ACBD5: variants seen among roughly 807,000 people sequenced by gnomAD.
ACBD5 encodes acyl-CoA-binding domain-containing protein 5.
ACBD5 carries 40 observed loss-of-function variants against 71.8 expected under a neutral mutation model. The ratio of observed to expected loss-of-function variants is 0.56; its 90% CI spans 0.43 to 0.72. The LOEUF (loss-of-function observed/expected upper bound fraction) is 0.72, where lower values mean the gene tolerates loss of function less well. Ranked by LOEUF, ACBD5 falls within the 30% of genes least tolerant of loss-of-function variation. The pLI, the probability that ACBD5 is intolerant of heterozygous loss-of-function variation, is 0.00. For synonymous variants in ACBD5, 229 were observed against 218.6 expected, an observed-to-expected ratio of 1.05 and a Z score of -0.42; for missense variants, 559 against 644.5, an observed-to-expected ratio of 0.87 and a Z score of 1.44.
chr10:27,219,983 T>TAA, intron 5 of ACBD5, 126 bp from the exon 6 acceptor site: 1 of 667,278 alleles, frequency 1.5e-6, no homozygotes, highest in South Asian at 3.4e-5. Flanking sequence ...GTTATATATA[T>TAA]AATAGTATTA....
In ACBD5 at chr10:27,240,670, T is replaced by C. The variant is rs2065385156; in HGVS notation, c.15+4A>G. ...CGGCCCGCGACGACAGCAAAACAACTCACCGAGAGGAAGAGCATGTCTAGC... is the reference window on the plus strand; with the variant it reads ...CGGCCCGCGACGACAGCAAAACAACCCACCGAGAGGAAGAGCATGTCTAGC... On this transcript the variant is annotated splice_donor_region_variant and intron_variant, in intron 1 of 12. Transcript: ENST00000396271. This position sits in a 1 kb window ranked among gnomAD's most constrained non-coding sequence, Gnocchi z 4.1. The C allele has an allele frequency of 1.3e-6, 2 of 1,548,866 alleles. No individual in the cohort carries two copies. The highest frequency in any genetic ancestry group is 1.4e-5 in the African/African-American group (1 of 72,236).
chr10:27,225,207 A>T (rs1265912117), intron 4 of ACBD5, among the ~76,000 whole-genome samples: 4 of 151,808 alleles, frequency 2.6e-5, no homozygotes, highest in Non-Finnish European at 5.9e-5. Context: ...GCAATTTCAG[A>T]CACCTTCATA....
At chr10:27,234,711 C>T (rs1250485007) in intron 3 of ACBD5, among the ~76,000 whole-genome samples, 1 of 152,202 alleles carries the variant, frequency 6.6e-6, no homozygotes, top group Admixed American at 6.5e-5. Flanking sequence ...GTGGGCGGAC[C>T]ACCTGAACCC....
chr10:27,217,646 C>T (rs1452717797), intron 7 of ACBD5, among the ~76,000 whole-genome samples: 1 of 151,976 alleles, frequency 6.6e-6, no homozygotes, highest in African/African-American at 2.4e-5. Flanking sequence ...AAAACCCTGT[C>T]TCTACAAAAA....
chr10:27,186,550 C>A, intron 13 of ACBD5: 15 of 1,611,690 alleles, frequency 9.3e-6, no homozygotes, highest in Non-Finnish European at 1.3e-5. Flanking sequence ...AAAAATTTTC[C>A]TTTTAGTCTA....
chr10:27,226,327 G>A (rs754673562), intron 4 of ACBD5, among the ~76,000 whole-genome samples: 1 of 151,832 alleles, frequency 6.6e-6, no homozygotes, highest in Non-Finnish European at 1.5e-5. Context: ...GTTATTCTCT[G>A]AGGAAGCAAC....
At chr10:27,239,855 C>T (rs2065239667) in intron 2 of ACBD5, among the ~76,000 whole-genome samples, 1 of 152,118 alleles carries the variant, frequency 6.6e-6, no homozygotes, top group Non-Finnish European at 1.5e-5. Context: ...CAAGCAATTT[C>T]CCTGTCTCAG....
chr10:27,205,309 A>G, intron 10 of ACBD5, 61 bp from the exon 11 acceptor site: 2 of 1,530,500 alleles, frequency 1.3e-6, no homozygotes, highest in Non-Finnish European at 1.8e-6. Flanking sequence ...TAATTATTCT[A>G]TTTCCTATCT....
chr10:27,196,156 C>A lies in ACBD5; in HGVS notation c.*1274G>T. 2.2e-6 allele frequency: 1 copy of A among 453,410 alleles called. No individual in the cohort carries two copies. Among genetic ancestry groups the A allele is most frequent in the South Asian group, 1.6e-5 (1 of 64,296 alleles). The allele number at this position is 453,410 out of a possible 1,614,324, so 28.1% of individuals were successfully genotyped here. On this transcript the variant is annotated 3_prime_UTR_variant, in exon 13 of 13. Coordinates refer to ENST00000396271, the MANE Select transcript of ACBD5 (RefSeq NM_145698.5). ...TGGAAGTTGCAGTGAGCCAAGATCA[C>A]GCCATTGCCCTCCAGCCTGGGCAAC...
chr10:27,226,489 A>C (rs983223744), intron 4 of ACBD5, among the ~76,000 whole-genome samples: 3 of 125,050 alleles, frequency 2.4e-5, no homozygotes, highest in Admixed American at 8.3e-5. Flanking sequence ...CACACACACA[A>C]GCAGACACAG....
intron 5 of ACBD5, among the ~76,000 whole-genome samples, chr10:27,221,814 A>G (rs12098587): frequency 0.07 from 10,337 of 147,002 alleles, 671 homozygotes; most frequent in African/African-American, 0.17. Flanking sequence ...GCTACCTGGG[A>G]GGCTAAGTCA....
At position 27,218,232 on chromosome 10, in the gene ACBD5, C is replaced by T. The variant is rs1026697416; in HGVS notation, c.626-49G>A. The T allele has an allele frequency of 2.9e-6, 4 of 1,369,790 alleles. No homozygotes were observed. In the African/African-American group the frequency reaches 5.7e-5, roughly 20 times the overall value. 84.9% of individuals were successfully genotyped at this position (1,369,790 alleles called of 1,614,324 possible). A position where few individuals can be genotyped will look rare whatever the true frequency, so the allele number is the denominator to read the frequency against. On this transcript the variant is annotated intron_variant, in intron 6 of 12. Transcript: ENST00000396271. ...TTCATAAAAGTTCACAGTAGGTCAC[C>T]TTCTGCATACCATGTTTTAATATCC...
At chr10:27,210,416 A>G (rs1020590237) in intron 9 of ACBD5, among the ~76,000 whole-genome samples, 4 of 152,230 alleles carry the variant, frequency 2.6e-5, no homozygotes, top group African/African-American at 9.6e-5. Context: ...AAATTTTGAG[A>G]TCAGTCTGGG....
intron 10 of ACBD5, among the ~76,000 whole-genome samples, chr10:27,205,715 A>G (rs1036252008): frequency 6.6e-6 from 1 of 151,426 alleles, no homozygotes; most frequent in African/African-American, 2.4e-5. Context: ...GTGTGGTGGC[A>G]CCATAGTTGT....
chr10:27,231,890 G>T, intron 3 of ACBD5, 70 bp from the exon 4 acceptor site: 1 of 1,407,896 alleles, frequency 7.1e-7, no homozygotes, highest in Non-Finnish European at 1.0e-6. Flanking sequence ...ACAATTTATA[G>T]TTGATGCTAT....
Position 27,236,904 on chromosome 10 carries a change from A to T in ACBD5, c.182-1692T>A, listed in dbSNP as rs552751332. ...GGTCTCAAAAAAAAAAAAAAAAAAA[A>T]AGCTGTGCTGTGGAAATTACCACAG... is the stretch of plus-strand genomic sequence containing the variant. On this transcript the variant is annotated intron_variant, in intron 2 of 12. Coordinates refer to ENST00000396271, the MANE Select transcript of ACBD5 (RefSeq NM_145698.5). Among the ~76,000 whole-genome samples the T allele has an allele frequency of 1.8e-3, 268 of 151,434 alleles. 1 individual carries two copies. Among genetic ancestry groups the T allele is most frequent in the African/African-American group, 6.3e-3 (260 of 41,316 alleles).
At chr10:27,211,963 TG>T (rs1238679491) in intron 8 of ACBD5, among the ~76,000 whole-genome samples, 2 of 140,300 alleles carry the variant, frequency 1.4e-5, no homozygotes, top group Non-Finnish European at 3.0e-5. Flanking sequence ...CAAGTGGGGG[TG>T]GGGGTAGGAA....
intron 13 of ACBD5, among the ~76,000 whole-genome samples, chr10:27,184,366 A>G (rs1405109196): frequency 6.6e-6 from 1 of 152,104 alleles, no homozygotes; most frequent in Admixed American, 6.6e-5. Context: ...TAGCTTTTTC[A>G]AGGCACTTCA....
intron 4 of ACBD5, among the ~76,000 whole-genome samples, chr10:27,224,911 A>G (rs571079515): frequency 9.2e-5 from 14 of 151,946 alleles, no homozygotes; most frequent in Non-Finnish European, 1.5e-4. Flanking sequence ...TGCACCTGTG[A>G]TCCCAGCTAC....
Sources: gnomAD v4.1 joint callset for allele counts (sites outside exome capture counted in the v4.1 genomes callset) on GRCh38, gnomAD v4.1.1 for gene constraint, Gnocchi (gnomAD v3.1) non-coding constraint, MANE v1.5 for transcripts, NCBI Gene and HGNC (gene_info 2026-07-23, HGNC 2026-07-21) for gene names.